Variants in APCDD1L observed in about 807,000 individuals in gnomAD.
APCDD1L encodes the protein protein APCDD1-like.
In APCDD1L, 21 loss-of-function variants were observed where a neutral mutation model predicts 24.2. The observed-to-expected ratio is 0.87, with a 90% CI of 0.61 to 1.25. APCDD1L has a LOEUF of 1.25. APCDD1L is among the 50% of genes most tolerant of loss of function. APCDD1L has a pLI of 0.00. For missense variants in APCDD1L, 704 were observed against 711.7 expected (o/e 0.99, Z 0.12); for synonymous variants, 321 against 323.6 (o/e 0.99, Z 0.09).
At chr20:58,505,337 T>C (rs367801956) in intron 1 of APCDD1L, among the ~76,000 whole-genome samples, 74 of 152,342 alleles carry the variant, frequency 4.9e-4, no homozygotes, top group African/African-American at 1.7e-3. Context: ...AGTGCTGGGA[T>C]TACAGGCATG....
At chr20:58,479,674 GA>G (rs1251338235) in intron 1 of APCDD1L, among the ~76,000 whole-genome samples, 3 of 146,368 alleles carry the variant, frequency 2.0e-5, no homozygotes, top group Non-Finnish European at 1.5e-5. Flanking sequence ...AATTCACCTA[GA>G]AAGTTTGGAC....
chr20:58,472,138 A>C (rs906785225), intron 1 of APCDD1L, among the ~76,000 whole-genome samples: 3 of 152,270 alleles, frequency 2.0e-5, no homozygotes, highest in Non-Finnish European at 4.4e-5. Flanking sequence ...GGCAGAGTGG[A>C]TTCCTCAGTT....
chr20:58,485,090 A>G (rs1715778443), intron 1 of APCDD1L, among the ~76,000 whole-genome samples: 1 of 151,968 alleles, frequency 6.6e-6, no homozygotes, highest in Non-Finnish European at 1.5e-5. Context: ...CATTATTTAG[A>G]TGAATCTTGA....
In APCDD1L at chr20:58,489,221, C is replaced by CAAA. The variant is rs1192853271; in HGVS notation, c.50-18475_50-18474insTTT. On this transcript the variant is annotated intron_variant, in intron 1 of 3. Coordinates refer to ENST00000371149, the MANE Select transcript of APCDD1L (RefSeq NM_153360.3). ...AAACCAACACCAAACAACAAACAAACCAACCAAAACAAACAAACAAACAAA... is the reference window on the plus strand; with the variant it reads ...AAACCAACACCAAACAACAAACAAACAAACAACCAAAACAAACAAACAAACAAA... 1.8e-3 allele frequency among the ~76,000 whole-genome samples: 277 copies of CAAA among 152,102 alleles called. 3 individuals carry two copies. Among genetic ancestry groups the CAAA allele is most frequent in the African/African-American group, 6.3e-3 (261 of 41,480 alleles).
rs1989601071 is a variant in APCDD1L, at chr20:58,461,351, G to T, written c.945C>A (p.Tyr315Ter). The stretch of plus-strand genomic sequence containing the variant: ...GGCAGGCTGGGTCTGAGAAGTGGTG[G>T]TAATACCCTTCCCAGGAGCGGCTGT... ...HGHSRSWEGY[Y>*]HHFSDPACRQ... The change falls in exon 4 of 4, where the codon TAC becomes TAA. Residue 315 changes from tyrosine to a stop codon, truncating the protein, a stop_gained. Transcript: ENST00000371149. LOFTEE classifies it low-confidence loss of function (END_TRUNC). This position sits in a 1 kb window ranked among gnomAD's most constrained non-coding sequence, Gnocchi z 6.0. 1.3e-6 allele frequency: 2 copies of T among 1,587,256 alleles called. No homozygotes were observed. The highest frequency in any genetic ancestry group is 1.7e-6 in the Non-Finnish European group (2 of 1,162,244).
rs758287480 is a variant in APCDD1L, at chr20:58,467,654, C to G, written c.193G>C (p.Glu65Gln). Reference protein sequence around the residue: ...LNGPWISTGCEVRPGPEFLTR... With the variant: ...LNGPWISTGCQVRPGPEFLTR... The stretch of plus-strand genomic sequence containing the variant: ...AGGAACTCCGGTCCTGGGCGCACCT[C>G]GCAGCTGCAGGGGTGGAAGGAGATG... The change falls in exon 3 of 4, where the codon GAG becomes CAG. Residue 65 changes from glutamate to glutamine, a missense_variant. Transcript: ENST00000371149. This position sits in a 1 kb window ranked among gnomAD's most constrained non-coding sequence, Gnocchi z 5.9. 1 of 1,493,252 alleles carries G rather than the reference C, an allele frequency of 6.7e-7. No homozygotes were observed. 92.5% of individuals were successfully genotyped at this position (1,493,252 alleles called of 1,614,324 possible).
At position 58,497,589 on chromosome 20, in the gene APCDD1L, G is replaced by A. The variant is rs964177081; in HGVS notation, c.49+17070C>T. The stretch of plus-strand genomic sequence containing the variant: ...TCTCTTCACATCGTCTTCCTTCGAC[G>A]CAGGTCTGCGTCCAAATATCCCCTT... On this transcript the variant is annotated intron_variant, in intron 1 of 3. Coordinates refer to ENST00000371149, the MANE Select transcript of APCDD1L (RefSeq NM_153360.3). The surrounding 1 kb of genome is among the most constrained non-coding windows in gnomAD (Gnocchi z 4.3). 2.0e-5 allele frequency among the ~76,000 whole-genome samples: 3 copies of A among 152,044 alleles called. No homozygotes were observed. Among genetic ancestry groups the A allele is most frequent in the Non-Finnish European group, 2.9e-5 (2 of 68,004 alleles).
chr20:58,472,142 C>T (rs116259488), intron 1 of APCDD1L, among the ~76,000 whole-genome samples: 2,003 of 152,316 alleles, frequency 0.013, 40 homozygotes, highest in African/African-American at 0.046. Flanking sequence ...GAGTGGATTC[C>T]TCAGTTCCCT....
chr20:58,471,783 G>A (rs1418999762), intron 1 of APCDD1L, among the ~76,000 whole-genome samples: 1 of 152,234 alleles, frequency 6.6e-6, no homozygotes, highest in East Asian at 1.9e-4. Context: ...CTCCAGCCAC[G>A]GGCTGTGCTC....
chr20:58,470,466 C>G, intron 2 of APCDD1L, 143 bp downstream of exon 2: 1 of 1,201,318 alleles, frequency 8.3e-7, no homozygotes, highest in Non-Finnish European at 1.1e-6. Context: ...GGAGGGGAGG[C>G]AAGCATCTCC....
chr20:58,466,933 G>T (rs1222726172), intron 3 of APCDD1L, among the ~76,000 whole-genome samples, 173 bp downstream of exon 3: 1 of 152,250 alleles, frequency 6.6e-6, no homozygotes, highest in Non-Finnish European at 1.5e-5. Context: ...TGCGTGAACA[G>T]GGTGCGCAAA....
At position 58,466,515 on chromosome 20, in the gene APCDD1L, C is replaced by G. The variant is rs140611539; in HGVS notation, c.741+591G>C. ...GTGGCATCTGGGCTGGTGTGCGCGG[C>G]CCCAGCGGCGCCCTGGAGGAAAGCT... is the stretch of plus-strand genomic sequence containing the variant. On this transcript the variant is annotated intron_variant, in intron 3 of 3. Coordinates refer to ENST00000371149, the MANE Select transcript of APCDD1L (RefSeq NM_153360.3). 7.8e-4 allele frequency among the ~76,000 whole-genome samples: 119 copies of G among 152,364 alleles called. No homozygotes were observed. In the East Asian group the frequency reaches 0.022, roughly 28 times the overall value.
intron 1 of APCDD1L, chr20:58,513,915 C>T: frequency 1.5e-6 from 2 of 1,303,886 alleles, no homozygotes; most frequent in South Asian, 2.5e-5. Context: ...TGTGAGGGTG[C>T]TTGGGGATGA....
chr20:58,483,384 T>A (rs1990062169), intron 1 of APCDD1L, among the ~76,000 whole-genome samples: 1 of 152,006 alleles, frequency 6.6e-6, no homozygotes, highest in Admixed American at 6.6e-5. Flanking sequence ...AAGCAGTGTT[T>A]TCTACGCTGG....
chr20:58,475,679 C>T (rs534683462), intron 1 of APCDD1L, among the ~76,000 whole-genome samples: 8 of 152,136 alleles, frequency 5.3e-5, no homozygotes, highest in African/African-American at 1.2e-4. Context: ...AGGGCTGCCA[C>T]GACAAAGACC....
intron 1 of APCDD1L, among the ~76,000 whole-genome samples, chr20:58,496,443 G>A (rs1306055385): frequency 6.6e-6 from 1 of 152,260 alleles, no homozygotes; most frequent in African/African-American, 2.4e-5. Flanking sequence ...TCTCATGGAT[G>A]AAAACAGAAA....
chr20:58,489,929 A>G (rs564324495), intron 1 of APCDD1L, among the ~76,000 whole-genome samples: 5 of 152,296 alleles, frequency 3.3e-5, no homozygotes, highest in Admixed American at 3.3e-4. Context: ...TTAACAATAA[A>G]TTACACATTT....
At position 58,461,438 on chromosome 20, in the gene APCDD1L, G is replaced by A. The variant is rs143291657; in HGVS notation, c.858C>T (p.Ser286=). 5.1e-5 allele frequency: 78 copies of A among 1,514,644 alleles called. No homozygotes were observed. The African/African-American group carries it at 1.1e-3, about 20-fold the overall frequency. 93.8% of individuals were successfully genotyped at this position (1,514,644 alleles called of 1,614,324 possible). A position where few individuals can be genotyped will look rare whatever the true frequency, so the allele number is the denominator to read the frequency against. ...CTGCTGGGCGCACCTCGCACCCCGA[G>A]CTGACCCACCAGCCGCCCAGGTGCA... ...LPLHLGGWWV[S]SGCEVRPAVL... Residue 286 remains serine, a synonymous_variant, in exon 4 of 4, where the codon AGC becomes AGT. Transcript: ENST00000371149. The surrounding 1 kb of genome is among the most constrained non-coding windows in gnomAD (Gnocchi z 6.0).
chr20:58,468,478 G>T (rs756353761), intron 2 of APCDD1L, among the ~76,000 whole-genome samples: 2 of 152,058 alleles, frequency 1.3e-5, no homozygotes, highest in African/African-American at 4.8e-5. Context: ...GAGGGCGCAG[G>T]TAGGGTGGAC....
Sources: allele counts gnomAD v4.1 joint callset (sites outside exome capture counted in the v4.1 genomes callset), GRCh38; gene constraint gnomAD v4.1.1; non-coding constraint Gnocchi (gnomAD v3.1); transcripts MANE v1.5; gene names NCBI Gene and HGNC (gene_info 2026-07-23, HGNC 2026-07-21).